The following FBN1 variants were observed in gnomAD, a reference collection of about 807,000 sequenced individuals.
The protein encoded by FBN1 is fibrillin-1.
FBN1 carries 29 observed loss-of-function variants against 365.1 expected under a neutral mutation model. The observed-to-expected ratio is 0.08, with a 90% CI of 0.06 to 0.11. FBN1 has a LOEUF of 0.11. FBN1 is among the 10% of genes least tolerant of loss of function. FBN1 has a pLI of 1.00. For synonymous variants in FBN1, 1,210 were observed against 1,270.5 expected (o/e 0.95, Z 1.01); for missense variants, 2,476 against 3,703.2 (o/e 0.67, Z 8.60).
rs775971280 is a variant in FBN1, at chr15:48,520,671, T to C, written c.1135A>G (p.Ile379Val). Reference protein sequence around the residue: ...GVTVAPEMCPIRATEDFNKLC... With the variant: ...GVTVAPEMCPVRATEDFNKLC... ...GAAGGGCTCTTACCGGTTGCTCTGA[T>C]GGGACACATCTCAGGGGCGACAGTG... The change falls in exon 10 of 66, where the codon ATC (isoleucine) becomes GTC (valine). Residue 379 changes from isoleucine (I) to valine (V), a missense_variant. Around this residue, in one of 5 missense-constraint regions of FBN1, gnomAD observed 421 missense variants for 520.1 expected, o/e 0.81. Coordinates refer to ENST00000316623, the MANE Select transcript of FBN1 (RefSeq NM_000138.5). 2.5e-6 allele frequency: 4 copies of C among 1,614,108 alleles called. No homozygotes were observed. The highest frequency in any genetic ancestry group is 2.2e-5 in the South Asian group (2 of 91,080).
At chr15:48,429,204 T>A (rs1352287625) in intron 56 of FBN1, among the ~76,000 whole-genome samples, 2 of 152,300 alleles carry the variant, frequency 1.3e-5, no homozygotes, top group African/African-American at 4.8e-5. Context: ...AATGTGAATA[T>A]CAGCATATGA....
intron 25 of FBN1, among the ~76,000 whole-genome samples, chr15:48,489,200 A>ATTTTTTT (rs756179079): frequency 1.0e-4 from 5 of 48,452 alleles, no homozygotes; most frequent in African/African-American, 2.5e-4. Context: ...ATGCCTAGAT[A>ATTTTTTT]TTTTTTTTTT....
At chr15:48,554,160 C>G (rs1027688310) in intron 6 of FBN1, among the ~76,000 whole-genome samples, 4 of 152,176 alleles carry the variant, frequency 2.6e-5, no homozygotes, top group African/African-American at 9.7e-5. Flanking sequence ...AAGGGTAAAT[C>G]AAAACACAGA....
intron 65 of FBN1, among the ~76,000 whole-genome samples, chr15:48,411,826 CTT>C (rs1193124466): frequency 6.6e-6 from 1 of 152,260 alleles, no homozygotes; most frequent in African/African-American, 2.4e-5. Context: ...TTTCCAAAGA[CTT>C]ATCTCATTTC....
intron 16 of FBN1, among the ~76,000 whole-genome samples, chr15:48,504,278 T>G (rs909352294): frequency 2.0e-5 from 3 of 152,212 alleles, no homozygotes; most frequent in African/African-American, 7.2e-5. Context: ...AATGTTGAAT[T>G]AATGATGGAT....
intron 46 of FBN1, among the ~76,000 whole-genome samples, chr15:48,448,192 G>T (rs966631981): frequency 2.7e-5 from 4 of 149,232 alleles, no homozygotes; most frequent in Admixed American, 2.6e-4. Flanking sequence ...GTCCCAAAAA[G>T]ACTTAATGGT....
At chr15:48,520,540 A>G (rs2043843081) in intron 10 of FBN1, 119 bp downstream of exon 10, 2 of 1,185,034 alleles carry the variant, frequency 1.7e-6, no homozygotes, top group African/African-American at 1.5e-5. Flanking sequence ...GTCATCTCTT[A>G]TATTTCCTGG....
chr15:48,445,604 T>C (rs1210542838), intron 47 of FBN1, 100 bp from the exon 48 acceptor site: 1 of 1,350,174 alleles, frequency 7.4e-7, no homozygotes, highest in Non-Finnish European at 1.0e-6. Flanking sequence ...TTTCTGAATT[T>C]TAGTGGCCTT....
chr15:48,410,398 TAC>T lies in FBN1; in HGVS notation c.*590_*591del, dbSNP rs1403515772. On this transcript the variant is annotated 3_prime_UTR_variant, in exon 66 of 66. Coordinates refer to ENST00000316623, the MANE Select transcript of FBN1 (RefSeq NM_000138.5). ...GATAAAAAATAGCACGATTACAGTATACACACACTTAATTTACATGTAATGTA... is the reference window on the plus strand; with the variant it reads ...GATAAAAAATAGCACGATTACAGTATACACACTTAATTTACATGTAATGTA... The T allele has an allele frequency of 6.5e-6, 1 of 153,732 alleles. No individual in the cohort carries two copies. The highest frequency in any genetic ancestry group is 1.5e-5 in the Non-Finnish European group (1 of 68,864). The allele number at this position is 153,732 out of a possible 1,614,324, so 9.5% of individuals were successfully genotyped here. A position where few individuals can be genotyped will look rare whatever the true frequency, so the allele number is the denominator to read the frequency against.
rs527944530 is a variant in FBN1, at chr15:48,486,386, G to A, written c.3589+689C>T. Among the ~76,000 whole-genome samples, 5 of 152,224 alleles carry A rather than the reference G, an allele frequency of 3.3e-5. No homozygotes were observed. In the South Asian group the frequency reaches 1.0e-3, roughly 32 times the overall value. On this transcript the variant is annotated intron_variant, in intron 29 of 65. Coordinates refer to ENST00000316623, the MANE Select transcript of FBN1 (RefSeq NM_000138.5). Reference sequence around the variant, plus strand: ...CCACATGGTGTACACCCCAAACCAGGCAAAAACTGGCAGTTTCTACAAAGT... The same window carrying A: ...CCACATGGTGTACACCCCAAACCAGACAAAAACTGGCAGTTTCTACAAAGT...
intron 6 of FBN1, among the ~76,000 whole-genome samples, chr15:48,567,679 T>C (rs925955113): frequency 6.6e-6 from 1 of 152,102 alleles, no homozygotes; most frequent in Non-Finnish European, 1.5e-5. Context: ...ATTAATGTAA[T>C]ACACCATATT....
intron 17 of FBN1, among the ~76,000 whole-genome samples, chr15:48,499,534 C>A (rs1021164467): frequency 2.0e-5 from 3 of 152,092 alleles, no homozygotes. Flanking sequence ...CCTACTCTTG[C>A]ATTTAAGTGT....
At chr15:48,481,605 C>T (rs1343172586) in intron 32 of FBN1, 50 bp downstream of exon 32, 3 of 1,583,044 alleles carry the variant, frequency 1.9e-6, no homozygotes, top group Non-Finnish European at 2.6e-6. Flanking sequence ...AATTATGATA[C>T]CAATCTCTTA....
chr15:48,506,007 G>C (rs2043704829), intron 15 of FBN1, among the ~76,000 whole-genome samples: 1 of 152,178 alleles, frequency 6.6e-6, no homozygotes, highest in Admixed American at 6.5e-5. Flanking sequence ...CAGATCACTT[G>C]AGGCCAGGAG....
In FBN1 at chr15:48,523,485, C is replaced by T. The variant is rs1037164693; in HGVS notation, c.988+2645G>A. 3.3e-5 allele frequency among the ~76,000 whole-genome samples: 5 copies of T among 152,068 alleles called. No individual in the cohort carries two copies. The South Asian group carries it at 6.2e-4, about 19-fold the overall frequency. The stretch of plus-strand genomic sequence containing the variant: ...GGCAGTCCCTGATTTACAGATGGCA[C>T]CTGCACATATAATAATAATTTTTCT... On this transcript the variant is annotated intron_variant, in intron 9 of 65. Coordinates refer to ENST00000316623, the MANE Select transcript of FBN1 (RefSeq NM_000138.5).
chr15:48,604,117 G>A (rs2044588066), intron 4 of FBN1, among the ~76,000 whole-genome samples: 1 of 148,258 alleles, frequency 6.7e-6, no homozygotes, highest in South Asian at 2.1e-4. Context: ...CATCAGAAAA[G>A]AACAATGTGA....
At chr15:48,462,978 A>T in intron 42 of FBN1, 104 bp downstream of exon 42, 2 of 1,176,258 alleles carry the variant, frequency 1.7e-6, no homozygotes, top group South Asian at 2.5e-5. Context: ...CCCTGTAAAG[A>T]TAAACAATGC....
At chr15:48,502,453 T>C (rs2043669467) in intron 17 of FBN1, among the ~76,000 whole-genome samples, 1 of 152,244 alleles carries the variant, frequency 6.6e-6, no homozygotes, top group Non-Finnish European at 1.5e-5. Context: ...TAACAAATCT[T>C]TTAAAATTAT....
intron 6 of FBN1, among the ~76,000 whole-genome samples, chr15:48,570,522 T>G (rs1252661614): frequency 1.3e-5 from 2 of 151,302 alleles, no homozygotes; most frequent in Non-Finnish European, 2.9e-5. Flanking sequence ...CTTCAGAACC[T>G]TAGGGTGAGA....
Sources: allele counts gnomAD v4.1 joint callset (sites outside exome capture counted in the v4.1 genomes callset), GRCh38; gene constraint gnomAD v4.1.1; regional missense constraint gnomAD v4.1.1; transcripts MANE v1.5; gene names NCBI Gene and HGNC (gene_info 2026-07-23, HGNC 2026-07-21).